Variants in SLC25A34 observed in about 807,000 individuals in gnomAD.
SLC25A34 encodes solute carrier family 25 member 34.
In SLC25A34, 26 loss-of-function variants were observed where a neutral mutation model predicts 28.1. The observed-to-expected ratio is 0.93, with a 90% CI of 0.68 to 1.28. SLC25A34 has a LOEUF of 1.28. SLC25A34 is among the 50% of genes most tolerant of loss of function. The pLI, the probability that SLC25A34 is intolerant of heterozygous loss-of-function variation, is 0.00. For synonymous variants in SLC25A34, 182 were observed against 182.2 expected, an observed-to-expected ratio of 1.00 and a Z score of 0.01; for missense variants, 384 against 409.8, an observed-to-expected ratio of 0.94 and a Z score of 0.54.
At position 15,736,333 on chromosome 1, in the gene SLC25A34, C is replaced by A; in HGVS notation, c.-153C>A. On this transcript the variant is annotated 5_prime_UTR_variant, in exon 1 of 5. Coordinates refer to ENST00000294454, the MANE Select transcript of SLC25A34 (RefSeq NM_207348.3). ...GGACACCAGGCAGCCACAGGCCTGT[C>A]AGACCAGGACCCTTACCCTCTAGAC... 1 of 734,566 alleles carries A rather than the reference C, an allele frequency of 1.4e-6. No individual in the cohort carries two copies. The highest frequency in any genetic ancestry group is 1.9e-6 in the Non-Finnish European group (1 of 527,374). 45.5% of individuals were successfully genotyped at this position (734,566 alleles called of 1,614,324 possible).
At chr1:15,738,382 C>T (rs577822100) in intron 3 of SLC25A34, 137 bp downstream of exon 3, 35 of 1,336,478 alleles carry the variant, frequency 2.6e-5, no homozygotes, top group African/African-American at 1.3e-4. Context: ...GTCGTGACTC[C>T]GGCCCTTGGT....
rs759619616 is a variant in SLC25A34, at chr1:15,738,778, C to T, written c.732+50C>T. 6.8e-6 allele frequency: 10 copies of T among 1,461,384 alleles called. No homozygotes were observed. In the East Asian group the frequency reaches 1.2e-4, roughly 18 times the overall value. The allele number at this position is 1,461,384 out of a possible 1,614,324, so 90.5% of individuals were successfully genotyped here. A position where few individuals can be genotyped will look rare whatever the true frequency, so the allele number is the denominator to read the frequency against. Reference sequence around the variant, plus strand: ...GACCGTGGGGAGCTGGGAGCACCCCCCCAACACACACACACACACACACAC... The same window carrying T: ...GACCGTGGGGAGCTGGGAGCACCCCTCCAACACACACACACACACACACAC... On this transcript the variant is annotated intron_variant, in intron 4 of 4. Transcript: ENST00000294454.
In SLC25A34 at chr1:15,736,510, G is replaced by C. The variant is rs746787885; in HGVS notation, c.25G>C (p.Asp9His). METVPPAV[D>H]LVLGASACCL... ...CATGGAGACGGTGCCCCCAGCAGTGGACCTGGTGCTGGGTGCTTCTGCCTG... is the reference window on the plus strand; with the variant it reads ...CATGGAGACGGTGCCCCCAGCAGTGCACCTGGTGCTGGGTGCTTCTGCCTG... The change falls in exon 1 of 5, where the codon GAC becomes CAC. Residue 9 changes from aspartate (D) to histidine (H), a missense_variant. Transcript: ENST00000294454. The C allele has an allele frequency of 6.9e-7, 1 of 1,454,544 alleles. No homozygotes were observed. Among genetic ancestry groups the C allele is most frequent in the Non-Finnish European group, 9.1e-7 (1 of 1,104,524 alleles). The allele number at this position is 1,454,544 out of a possible 1,614,324, so 90.1% of individuals were successfully genotyped here.
Position 15,736,708 on chromosome 1 carries a change from GC to G in SLC25A34, c.225del (p.Gly76AlafsTer8). 6.2e-7 allele frequency: 1 copy of G among 1,609,740 alleles called. No individual in the cohort carries two copies. ...GLWGLQKGLA[A>X]GLLYQGLMNG... ...GTGGGGCCTGCAGAAGGGGCTGGCT[GC>G]CGGCCTTCTGTACCAAGGCCTCATG... On this transcript the variant is annotated frameshift_variant, in exon 1 of 5. Coordinates refer to ENST00000294454, the MANE Select transcript of SLC25A34 (RefSeq NM_207348.3). LOFTEE classifies it high-confidence loss of function.
Position 15,738,611 on chromosome 1 carries a change from C to A in SLC25A34, c.615C>A (p.Ser205Arg). The A allele has an allele frequency of 1.2e-6, 2 of 1,607,230 alleles. No individual in the cohort carries two copies. Among genetic ancestry groups the A allele is most frequent in the Non-Finnish European group, 1.7e-6 (2 of 1,178,264 alleles). Reference protein sequence around the residue: ...VQKQQWLPEDSWLVALAGGMI... With the variant: ...VQKQQWLPEDRWLVALAGGMI... ...CCCCACAGTGGCTCCCTGAGGACAG[C>A]TGGCTGGTGGCCCTGGCTGGGGGCA... The change falls in exon 4 of 5, where the codon AGC becomes AGA. Residue 205 changes from serine to arginine, a missense_variant. Coordinates refer to ENST00000294454, the MANE Select transcript of SLC25A34 (RefSeq NM_207348.3).
intron 1 of SLC25A34, chr1:15,737,667 C>T (rs2068237924): frequency 3.8e-6 from 2 of 527,534 alleles, no homozygotes; most frequent in African/African-American, 1.9e-5. Context: ...CTCACTTAAT[C>T]CTCAGAACAG....
In SLC25A34 at chr1:15,736,774, G is replaced by T. The variant is rs763958776; in HGVS notation, c.289G>T (p.Ala97Ser). 6.2e-7 allele frequency: 1 copy of T among 1,606,718 alleles called. No individual in the cohort carries two copies. Among genetic ancestry groups the T allele is most frequent in the Non-Finnish European group, 8.5e-7 (1 of 1,179,276 alleles). The change falls in exon 1 of 5, where the codon GCT (alanine) becomes TCT (serine). Residue 97 changes from alanine (A) to serine (S), a missense_variant. Physicochemically the swap from Ala to Ser is moderately conservative, Grantham distance 99 (BLOSUM62 1). Coordinates refer to ENST00000294454, the MANE Select transcript of SLC25A34 (RefSeq NM_207348.3). ...CTACTGCTACAGCCTGGCGTGCCAG[G>T]CTGGCCTCACGCAGCAACCAGGTGG... ...RFYCYSLACQ[A>S]GLTQQPGGTV...
chr1:15,736,803 C>A lies in SLC25A34; in HGVS notation c.318C>A (p.Thr106=). Residue 106 remains threonine, a synonymous_variant, in exon 1 of 5, where the codon ACC becomes ACA. Coordinates refer to ENST00000294454, the MANE Select transcript of SLC25A34 (RefSeq NM_207348.3). The part of the protein sequence containing the change: ...QAGLTQQPGG[T]VVAGAVAGAL... ...GCCTCACGCAGCAACCAGGTGGCAC[C>A]GTGGTTGCGGGAGCCGTGGCGGGGG... 2 of 1,599,150 alleles carry A rather than the reference C, an allele frequency of 1.3e-6. No homozygotes were observed. Among genetic ancestry groups the A allele is most frequent in the Non-Finnish European group, 1.7e-6 (2 of 1,176,544 alleles).
At position 15,736,879 on chromosome 1, in the gene SLC25A34, C is replaced by T; in HGVS notation, c.378+16C>T. ...TGCTTACCTGGTGAGTGGCTTGTCT[C>T]CATCGTCCACCCTCCACCATCCCAT... is the stretch of plus-strand genomic sequence containing the variant. On this transcript the variant is annotated intron_variant, in intron 1 of 4. Coordinates refer to ENST00000294454, the MANE Select transcript of SLC25A34 (RefSeq NM_207348.3). 6.6e-7 allele frequency: 1 copy of T among 1,510,652 alleles called. No individual in the cohort carries two copies. The highest frequency in any genetic ancestry group is 8.8e-7 in the Non-Finnish European group (1 of 1,132,668). The allele number at this position is 1,510,652 out of a possible 1,614,324, so 93.6% of individuals were successfully genotyped here.
intron 1 of SLC25A34, 110 bp from the exon 2 acceptor site, chr1:15,737,819 A>G: frequency 8.3e-7 from 1 of 1,209,782 alleles, no homozygotes; most frequent in Non-Finnish European, 1.2e-6. Context: ...GCTCGGGACC[A>G]TGGAGCTGTG....
rs932359312 is a variant in SLC25A34 at position 15,739,590 on chromosome 1, T to C, written c.*184T>C. 9.1e-6 allele frequency: 5 copies of C among 550,258 alleles called. No individual in the cohort carries two copies. The highest frequency in any genetic ancestry group is 1.5e-5 in the Non-Finnish European group (5 of 334,466). The allele number at this position is 550,258 out of a possible 1,614,324, so 34.1% of individuals were successfully genotyped here. A position where few individuals can be genotyped will look rare whatever the true frequency, so the allele number is the denominator to read the frequency against. Reference sequence around the variant, plus strand: ...CCCACCCAGGTCCAGAGCATCCACTTCAAGTTACCACCCATTCTGTCTTCC... The same window carrying C: ...CCCACCCAGGTCCAGAGCATCCACTCCAAGTTACCACCCATTCTGTCTTCC... On this transcript the variant is annotated 3_prime_UTR_variant, in exon 5 of 5. Coordinates refer to ENST00000294454, the MANE Select transcript of SLC25A34 (RefSeq NM_207348.3).
In SLC25A34 at chr1:15,737,929, A is replaced by G. The variant is rs1287132370; in HGVS notation, c.379A>G (p.Ile127Val). 1 of 1,613,944 alleles carries G rather than the reference A, an allele frequency of 6.2e-7. No homozygotes were observed. Among genetic ancestry groups the G allele is most frequent in the African/African-American group, 1.3e-5 (1 of 75,010 alleles). Residue 127 changes from isoleucine (I) to valine (V), a missense_variant and splice_region_variant, in exon 2 of 5, where the codon ATC (isoleucine) becomes GTC (valine). Ile to Val is a conservative substitution (Grantham distance 29, BLOSUM62 3). Transcript: ENST00000294454. ...GAFVGSPAYL[I>V]KTQLQAQTVA... ...ACCCGTGTCCTCTCTGCTCCCATAGATCAAAACGCAGCTGCAAGCTCAGAC... is the reference window on the plus strand; with the variant it reads ...ACCCGTGTCCTCTCTGCTCCCATAGGTCAAAACGCAGCTGCAAGCTCAGAC...
chr1:15,736,597 G>T lies in SLC25A34; in HGVS notation c.112G>T (p.Gly38Trp). 3 of 1,543,720 alleles carry T rather than the reference G, an allele frequency of 1.9e-6. No homozygotes were observed. The highest frequency in any genetic ancestry group is 4.8e-5 in the East Asian group (2 of 41,332). ...GGTGAAGACGCGGCTGCAGCTGCAGGGGGAGCTGCAGGCCCGGGGCACCTA... is the reference window on the plus strand; with the variant it reads ...GGTGAAGACGCGGCTGCAGCTGCAGTGGGAGCTGCAGGCCCGGGGCACCTA... Reference protein sequence around the residue: ...EVVKTRLQLQGELQARGTYPR... With the variant: ...EVVKTRLQLQWELQARGTYPR... Residue 38 changes from glycine to tryptophan, a missense_variant, in exon 1 of 5, where the codon GGG (glycine) becomes TGG (tryptophan). Coordinates refer to ENST00000294454, the MANE Select transcript of SLC25A34 (RefSeq NM_207348.3).
chr1:15,737,818 C>T, intron 1 of SLC25A34, 111 bp from the exon 2 acceptor site: 1 of 1,202,386 alleles, frequency 8.3e-7, no homozygotes, highest in Non-Finnish European at 1.2e-6. Context: ...GGCTCGGGAC[C>T]ATGGAGCTGT....
intron 4 of SLC25A34, 45 bp downstream of exon 4, chr1:15,738,773 ACCC>A (rs59813493): frequency 1.9e-4 from 272 of 1,452,192 alleles, no homozygotes; most frequent in Middle Eastern, 1.8e-3. Context: ...AGCTGGGAGC[ACCC>A]CCCCAACACA....
Position 15,738,061 on chromosome 1 carries a change from G to A in SLC25A34, c.445-32G>A, listed in dbSNP as rs769775687. 3.1e-6 allele frequency: 5 copies of A among 1,612,970 alleles called. No individual in the cohort carries two copies. In the East Asian group the frequency reaches 1.1e-4, roughly 36 times the overall value. On this transcript the variant is annotated intron_variant, in intron 2 of 4. Coordinates refer to ENST00000294454, the MANE Select transcript of SLC25A34 (RefSeq NM_207348.3). ...GGGCATGCTCCCAGCCTAGGCAGGG[G>A]TGGCCAGTGACCCCGTGCCCTCTCC...
intron 1 of SLC25A34, 184 bp from the exon 2 acceptor site, chr1:15,737,745 G>C: frequency 1.6e-6 from 1 of 625,048 alleles, no homozygotes; most frequent in Non-Finnish European, 2.8e-6. Flanking sequence ...ACACTGAGAC[G>C]CAAAACCCAG....
rs1266420668 is a variant in SLC25A34, at chr1:15,739,281, C to T, written c.790C>T (p.Pro264Ser). The T allele has an allele frequency of 6.2e-7, 1 of 1,612,086 alleles. No homozygotes were observed. The highest frequency in any genetic ancestry group is 1.3e-5 in the African/African-American group (1 of 75,022). Residue 264 changes from proline (P) to serine (S), a missense_variant, in exon 5 of 5, where the codon CCC (proline) becomes TCC (serine). Transcript: ENST00000294454. Reference sequence around the variant, plus strand: ...GGTGAAGATCTGGCGGCAGGAGGGCCCCCTGGCACTCTACAAGGGCCTGGG... The same window carrying T: ...GGTGAAGATCTGGCGGCAGGAGGGCTCCCTGGCACTCTACAAGGGCCTGGG... ...CMVKIWRQEGPLALYKGLGPA... is the reference protein window; with the variant it reads ...CMVKIWRQEGSLALYKGLGPA...
chr1:15,737,583 GGAAA>G (rs1459923383), intron 1 of SLC25A34, among the ~76,000 whole-genome samples: 2 of 147,782 alleles, frequency 1.4e-5, no homozygotes, highest in Admixed American at 6.6e-5. Flanking sequence ...AAAAAAAAAA[GGAAA>G]GAAAGAAAAA....
Sources: allele counts gnomAD v4.1 joint callset (sites outside exome capture counted in the v4.1 genomes callset), GRCh38; gene constraint gnomAD v4.1.1; transcripts MANE v1.5; gene names NCBI Gene and HGNC (gene_info 2026-07-23, HGNC 2026-07-21).